Variants in EDNRB observed in about 807,000 individuals in gnomAD.
EDNRB encodes the protein endothelin receptor type B.
A neutral mutation model predicts 46.4 loss-of-function variants in EDNRB; 18 were observed. That is an observed-to-expected ratio of 0.39 (90% CI 0.27 to 0.57). EDNRB has a LOEUF of 0.57. EDNRB is among the 20% of genes least tolerant of loss of function. EDNRB has a pLI of 0.61. For missense variants in EDNRB, 434 were observed against 537.5 expected (o/e 0.81, Z 1.90); for synonymous variants, 213 against 204.9 (o/e 1.04, Z -0.34).
intron 1 of EDNRB, among the ~76,000 whole-genome samples, chr13:77,933,761 TA>T (rs1363187139): frequency 2.0e-5 from 3 of 152,116 alleles, no homozygotes; most frequent in Non-Finnish European, 4.4e-5. Flanking sequence ...CGAGCGGGAT[TA>T]GGGGTAGCGT....
intron 1 of EDNRB, among the ~76,000 whole-genome samples, chr13:77,925,883 G>A (rs1039878458): frequency 6.6e-6 from 1 of 152,190 alleles, no homozygotes; most frequent in South Asian, 2.1e-4. Context: ...AGCCAGAGGC[G>A]AGGCTGTACC....
intron 1 of EDNRB, among the ~76,000 whole-genome samples, chr13:77,969,487 G>A (rs776420023): frequency 2.4e-4 from 36 of 152,182 alleles, no homozygotes; most frequent in Middle Eastern, 3.2e-3. Context: ...TGCAGAGCCT[G>A]AGGTAATGCA....
chr13:77,964,706 A>G (rs61963152), intron 1 of EDNRB, among the ~76,000 whole-genome samples: 1,959 of 152,304 alleles, frequency 0.013, 19 homozygotes, highest in Non-Finnish European at 0.022. Context: ...GTAGCACACC[A>G]ACACGGCACA....
At chr13:77,902,925 G>C (rs1879072842) in intron 3 of EDNRB, among the ~76,000 whole-genome samples, 1 of 151,852 alleles carries the variant, frequency 6.6e-6, no homozygotes, top group Non-Finnish European at 1.5e-5. Context: ...ATGTGGACCT[G>C]GTTTATCTAT....
chr13:77,954,675 T>C (rs1881184435), intron 1 of EDNRB, among the ~76,000 whole-genome samples: 1 of 151,822 alleles, frequency 6.6e-6, no homozygotes, highest in South Asian at 2.1e-4. Context: ...CATGGCTAAT[T>C]TTTGTATTTT....
intron 1 of EDNRB, among the ~76,000 whole-genome samples, chr13:77,943,959 A>G (rs1880826287): frequency 6.6e-6 from 1 of 152,098 alleles, no homozygotes; most frequent in African/African-American, 2.4e-5. Context: ...GAAATTTCAG[A>G]AAACCCAGGA....
At chr13:77,948,272 TTAA>T (rs1333537360) in intron 1 of EDNRB, among the ~76,000 whole-genome samples, 3 of 152,048 alleles carry the variant, frequency 2.0e-5, no homozygotes, top group East Asian at 3.9e-4. Flanking sequence ...AAAGCTAGAG[TTAA>T]TGATGTTATG....
intron 1 of EDNRB, among the ~76,000 whole-genome samples, chr13:77,925,723 GC>G (rs1219059733): frequency 6.6e-6 from 1 of 152,206 alleles, no homozygotes; most frequent in African/African-American, 2.4e-5. Flanking sequence ...TAGGGTCGGA[GC>G]CCCCACACAG....
At chr13:77,899,788 T>C in intron 6 of EDNRB, 71 bp downstream of exon 6, 3 of 1,109,894 alleles carry the variant, frequency 2.7e-6, no homozygotes, top group Non-Finnish European at 4.1e-6. Flanking sequence ...TGGATAGATA[T>C]ATTAGCAGTT....
upstream of EDNRB, among the ~76,000 whole-genome samples, chr13:77,922,602 A>C (rs1336470695): frequency 6.6e-6 from 1 of 152,230 alleles, no homozygotes; most frequent in Non-Finnish European, 1.5e-5. Context: ...ATAGTGGTTG[A>C]AGTAAGAGAA....
chr13:77,918,623 G>T lies in EDNRB; in HGVS notation c.-50C>A. The T allele has an allele frequency of 6.5e-7, 1 of 1,540,138 alleles. No homozygotes were observed. Among genetic ancestry groups the T allele is most frequent in the Non-Finnish European group, 8.6e-7 (1 of 1,157,030 alleles). On this transcript the variant is annotated 5_prime_UTR_variant, in exon 1 of 7. Transcript: ENST00000646607. The surrounding 1 kb of genome is among the most constrained non-coding windows in gnomAD (Gnocchi z 4.5). Reference sequence around the variant, plus strand: ...CCGGTGGCCGCTCCGCAGTTTCAGAGCCTAGAGACAAGCAGAGGAAGGAAG... The same window carrying T: ...CCGGTGGCCGCTCCGCAGTTTCAGATCCTAGAGACAAGCAGAGGAAGGAAG...
intron 1 of EDNRB, among the ~76,000 whole-genome samples, chr13:77,917,671 G>C (rs1188944052): frequency 6.6e-6 from 1 of 152,178 alleles, no homozygotes; most frequent in Non-Finnish European, 1.5e-5. Context: ...GATCCTTCAG[G>C]ACTAGTGGTT....
chr13:77,930,556 A>G (rs1346502295), intron 1 of EDNRB, among the ~76,000 whole-genome samples: 6 of 152,224 alleles, frequency 3.9e-5, no homozygotes, highest in Admixed American at 3.3e-4. Context: ...GTTCTCAAGA[A>G]GACAATAGTG....
intron 1 of EDNRB, among the ~76,000 whole-genome samples, chr13:77,966,814 A>T (rs1037701232): frequency 2.6e-5 from 4 of 152,158 alleles, no homozygotes; most frequent in Admixed American, 2.6e-4. Flanking sequence ...TGAAATGATG[A>T]CATTTGTGCA....
intron 1 of EDNRB, among the ~76,000 whole-genome samples, chr13:77,960,364 G>T (rs1451167193): frequency 6.6e-6 from 1 of 152,232 alleles, no homozygotes; most frequent in East Asian, 1.9e-4. Context: ...TAAGCCAGAA[G>T]AGAGTGGGGG....
chr13:77,922,503 T>A (rs1168712549), upstream of EDNRB, among the ~76,000 whole-genome samples: 2 of 152,206 alleles, frequency 1.3e-5, no homozygotes, highest in East Asian at 3.8e-4. Flanking sequence ...AAATCATGAA[T>A]GCTGAGAGAC....
Position 77,918,671 on chromosome 13 carries a change from C to T in EDNRB, c.-98G>A. ...AAGACAGGACACTTGGGTCAGCTGC[C>T]CGAGCCAAGTCGCTGCAAACGCTAA... On this transcript the variant is annotated 5_prime_UTR_variant, in exon 1 of 7. Transcript: ENST00000646607. This position sits in a 1 kb window ranked among gnomAD's most constrained non-coding sequence, Gnocchi z 4.5. 1 of 1,454,678 alleles carries T rather than the reference C, an allele frequency of 6.9e-7. No homozygotes were observed. Among genetic ancestry groups the T allele is most frequent in the Non-Finnish European group, 9.0e-7 (1 of 1,111,756 alleles). 90.1% of individuals were successfully genotyped at this position (1,454,678 alleles called of 1,614,324 possible). A position where few individuals can be genotyped will look rare whatever the true frequency, so the allele number is the denominator to read the frequency against.
chr13:77,903,221 C>A lies in EDNRB; in HGVS notation c.736G>T (p.Asp246Tyr), dbSNP rs1288566827. 5.6e-6 allele frequency: 9 copies of A among 1,612,914 alleles called. No individual in the cohort carries two copies. The highest frequency in any genetic ancestry group is 7.6e-6 in the Non-Finnish European group (9 of 1,179,334). The change falls in exon 3 of 7, where the codon GAC (aspartate) becomes TAC (tyrosine). Residue 246 changes from aspartate (D) to tyrosine (Y), a missense_variant. Physicochemically the swap from Asp to Tyr is radical, Grantham distance 160 (BLOSUM62 -3). Coordinates refer to ENST00000646607, the MANE Select transcript of EDNRB (RefSeq NM_001122659.3). Reference sequence around the variant, plus strand: ...ATTCGCAGATAACTTCCTTTGTAGTCCATCGTAATTATATCAAAACCTATG... The same window carrying A: ...ATTCGCAGATAACTTCCTTTGTAGTACATCGTAATTATATCAAAACCTATG... ...EAIGFDIITM[D>Y]YKGSYLRICL...
upstream of EDNRB, chr13:77,918,981 G>A: frequency 9.9e-7 from 1 of 1,007,806 alleles, no homozygotes; most frequent in Non-Finnish European, 1.2e-6. This position sits in a 1 kb window ranked among gnomAD's most constrained non-coding sequence, Gnocchi z 4.5. Flanking sequence ...AGTTAAGCGT[G>A]CGTGGGAACC....
Sources: gnomAD v4.1 joint callset for allele counts (sites outside exome capture counted in the v4.1 genomes callset) on GRCh38, gnomAD v4.1.1 for gene constraint, Gnocchi (gnomAD v3.1) non-coding constraint, MANE v1.5 for transcripts, NCBI Gene and HGNC (gene_info 2026-07-23, HGNC 2026-07-21) for gene names.